The following MIA2 variants were observed in gnomAD, a reference collection of about 807,000 sequenced individuals.
MIA2 encodes the protein MIA SH3 domain ER export factor 2.
In MIA2, 127 loss-of-function variants were observed where a neutral mutation model predicts 167.8. That is an observed-to-expected ratio of 0.76 (90% CI 0.66 to 0.88). The LOEUF is 0.88. Among genes scored for constraint, MIA2 ranks in the 40% least tolerant of loss-of-function variants. The pLI is 0.00. For synonymous variants in MIA2, 552 were observed against 541.9 expected, an observed-to-expected ratio of 1.02 and a Z score of -0.26; for missense variants, 1,690 against 1,624.7, an observed-to-expected ratio of 1.04 and a Z score of -0.69.
chr14:39,245,151 A>G (rs2054240234), intron 3 of MIA2, among the ~76,000 whole-genome samples: 2 of 142,876 alleles, frequency 1.4e-5, no homozygotes. Context: ...ATCATGGCTC[A>G]CTGCAGCTTG....
At chr14:39,282,043 G>C (rs942861568) in intron 9 of MIA2, among the ~76,000 whole-genome samples, 4 of 151,934 alleles carry the variant, frequency 2.6e-5, no homozygotes, top group African/African-American at 9.7e-5. Context: ...TCTATTTCTG[G>C]TGCTCATTTT....
rs748571981 is a variant in MIA2 at position 39,346,011 on chromosome 14, T to G, written c.3763T>G (p.Ser1255Ala). The change falls in exon 26 of 29, where the codon TCT becomes GCT. Residue 1255 changes from serine (S) to alanine (A), a missense_variant. Ser to Ala is a moderately conservative substitution (Grantham distance 99). Transcript: ENST00000640607. ...AGAACTCAGAAGTTTTAATATGCCT[T>G]CTTTGGATAAAATGGGTAAGAAGTA... is the stretch of plus-strand genomic sequence containing the variant. ...PAELRSFNMP[S>A]LDKMDGSMPS... 32 of 1,612,486 alleles carry G rather than the reference T, an allele frequency of 2.0e-5. No homozygotes were observed. Among genetic ancestry groups the G allele is most frequent in the Non-Finnish European group, 2.5e-5 (30 of 1,178,946 alleles).
downstream of MIA2, among the ~76,000 whole-genome samples, chr14:39,352,908 C>G (rs2074427507): frequency 6.6e-6 from 1 of 151,962 alleles, no homozygotes; most frequent in African/African-American, 2.4e-5. Flanking sequence ...AGTGATTTTT[C>G]AAGTATTAAG....
At chr14:39,276,037 G>A (rs1303444533) in intron 6 of MIA2, among the ~76,000 whole-genome samples, 1 of 152,200 alleles carries the variant, frequency 6.6e-6, no homozygotes, top group African/African-American at 2.4e-5. Flanking sequence ...GTTAAAGCCT[G>A]AAAAGAATCA....
Position 39,288,452 on chromosome 14 carries a change from TATATATA to T in MIA2, c.2131-2566_2131-2560del, listed in dbSNP as rs2060154285. Among the ~76,000 whole-genome samples, 37 of 15,140 alleles carry T rather than the reference TATATATA, an allele frequency of 2.4e-3. 3 individuals carry two copies. The highest frequency in any genetic ancestry group is 0.011 in the South Asian group (4 of 366). 9.9% of individuals were successfully genotyped at this position (15,140 alleles called of 152,430 possible). ...TTATACATATATATATATATATATA[TATATATA>T]TATATATATATATATATTTTTTTTT... On this transcript the variant is annotated intron_variant, in intron 9 of 28. Transcript: ENST00000640607.
chr14:39,298,441 A>ATG lies in MIA2; in HGVS notation c.2497-1422_2497-1421insGT, dbSNP rs1566802991. Reference sequence around the variant, plus strand: ...TATATATATATATATATATATATATATAAAGATTAGTTTTTCATGTGTTCG... The same window carrying ATG: ...TATATATATATATATATATATATATATGTAAAGATTAGTTTTTCATGTGTTCG... On this transcript the variant is annotated intron_variant, in intron 13 of 28. Coordinates refer to ENST00000640607, the MANE Select transcript of MIA2 (RefSeq NM_001329214.4). 3.8e-3 allele frequency among the ~76,000 whole-genome samples: 33 copies of ATG among 8,798 alleles called. 3 individuals carry two copies. The highest frequency in any genetic ancestry group is 0.021 in the East Asian group (3 of 144). 5.8% of individuals were successfully genotyped at this position (8,798 alleles called of 152,430 possible). A position where few individuals can be genotyped will look rare whatever the true frequency, so the allele number is the denominator to read the frequency against.
chr14:39,312,037 C>T (rs569230524), intron 18 of MIA2, among the ~76,000 whole-genome samples: 135 of 151,940 alleles, frequency 8.9e-4, no homozygotes, highest in African/African-American at 2.8e-3. Context: ...ACCATGTTAG[C>T]CAGGCTGGTC....
At chr14:39,282,708 C>T (rs762436847) in intron 9 of MIA2, among the ~76,000 whole-genome samples, 9 of 152,084 alleles carry the variant, frequency 5.9e-5, no homozygotes, top group East Asian at 1.9e-4. Context: ...TGAGTAACTG[C>T]GGCTACAGGC....
At chr14:39,308,417 T>C (rs1021763593) in intron 17 of MIA2, 32 bp from the exon 18 acceptor site, 1 of 1,334,684 alleles carries the variant, frequency 7.5e-7, no homozygotes. Flanking sequence ...AAAATGTTTC[T>C]CCTTTAATTA....
At chr14:39,366,391 C>T (rs1044147029) in intron 23 of MIA2, among the ~76,000 whole-genome samples, 6 of 152,148 alleles carry the variant, frequency 3.9e-5, no homozygotes, top group African/African-American at 1.4e-4. Context: ...GTGTGTGTAT[C>T]ATGAGCAATG....
At position 39,313,301 on chromosome 14, in the gene MIA2, A is replaced by T. The variant is rs549156748; in HGVS notation, c.3018-39A>T. On this transcript the variant is annotated intron_variant, in intron 18 of 28. Coordinates refer to ENST00000640607, the MANE Select transcript of MIA2 (RefSeq NM_001329214.4). The stretch of plus-strand genomic sequence containing the variant: ...AAAATATAGAATTGATTATCTTTTG[A>T]CATGTATTAAGAGAATTATAACATT... The T allele has an allele frequency of 2.5e-5, 26 of 1,035,980 alleles. No homozygotes were observed. In the African/African-American group the frequency reaches 3.7e-4, roughly 15 times the overall value. The allele number at this position is 1,035,980 out of a possible 1,614,324, so 64.2% of individuals were successfully genotyped here. A position where few individuals can be genotyped will look rare whatever the true frequency, so the allele number is the denominator to read the frequency against.
At chr14:39,353,785 A>G (rs1031297235), downstream of MIA2, among the ~76,000 whole-genome samples, 34 of 152,190 alleles carry the variant, frequency 2.2e-4, no homozygotes, top group Non-Finnish European at 2.8e-4. Flanking sequence ...TCATTGTTCA[A>G]TTCCCACCTA....
chr14:39,253,115 GAT>G lies in MIA2; in HGVS notation c.1832_1833del (p.Asp611GlyfsTer3). The G allele has an allele frequency of 1.9e-6, 3 of 1,605,272 alleles. No homozygotes were observed. Among genetic ancestry groups the G allele is most frequent in the Non-Finnish European group, 2.6e-6 (3 of 1,175,872 alleles). ...FQILKYLFQIDVYDFMNSAFS... is the reference protein window; with the variant it reads ...FQILKYLFQIXVYDFMNSAFS... ...GATTCTGAAATACTTATTCCAAATT[GAT>G]GTTTATGATTTCATGAATTCTGCAT... On this transcript the variant is annotated frameshift_variant, in exon 6 of 29. Transcript: ENST00000640607. LOFTEE classifies it high-confidence loss of function.
Position 39,237,033 on chromosome 14 carries a change from G to A in MIA2, c.227G>A (p.Arg76Lys), listed in dbSNP as rs773063861. ...ISVYVKLAGE[R>K]EDLWAGSKGK... ...GTTTATGTTAAACTTGCAGGAGAAA[G>A]GGAAGATTTGTGGGCAGGAAGTGTA... The change falls in exon 2 of 29, where the codon AGG becomes AAG. Residue 76 changes from arginine to lysine, a missense_variant. Physicochemically the swap from Arg to Lys is conservative, Grantham distance 26. Coordinates refer to ENST00000640607, the MANE Select transcript of MIA2 (RefSeq NM_001329214.4). 9 of 1,613,878 alleles carry A rather than the reference G, an allele frequency of 5.6e-6. No homozygotes were observed. The East Asian group carries it at 8.9e-5, about 16-fold the overall frequency.
At chr14:39,374,437 G>A (rs562333177) in intron 23 of MIA2, among the ~76,000 whole-genome samples, 4 of 152,272 alleles carry the variant, frequency 2.6e-5, no homozygotes, top group Admixed American at 2.0e-4. Flanking sequence ...CATGGTAAAT[G>A]TTCAATGAGT....
At chr14:39,369,583 C>T (rs1478168747) in intron 23 of MIA2, among the ~76,000 whole-genome samples, 5 of 152,200 alleles carry the variant, frequency 3.3e-5, no homozygotes, top group South Asian at 4.1e-4. Flanking sequence ...ATCCTCTCTG[C>T]TCCTCCTCTC....
intron 1 of MIA2, among the ~76,000 whole-genome samples, chr14:39,234,708 T>C (rs1044083405): frequency 3.9e-5 from 6 of 152,278 alleles, no homozygotes; most frequent in Admixed American, 2.6e-4. Flanking sequence ...TTTCAAACCA[T>C]CATGATTTAT....
chr14:39,255,202 A>G (rs1292936915), intron 6 of MIA2, among the ~76,000 whole-genome samples: 1 of 152,166 alleles, frequency 6.6e-6, no homozygotes. Flanking sequence ...GTTGATTATA[A>G]AACGTTCATT....
chr14:39,299,305 C>CTTTTTTTTTTTTTTT (rs34424266), intron 13 of MIA2, among the ~76,000 whole-genome samples: 2 of 95,090 alleles, frequency 2.1e-5, no homozygotes, highest in Non-Finnish European at 3.8e-5. Context: ...AATGGTATTT[C>CTTTTTTTTTTTTTTT]TTTTTTTTTT....
Sources: allele counts gnomAD v4.1 joint callset (sites outside exome capture counted in the v4.1 genomes callset), GRCh38; gene constraint gnomAD v4.1.1; transcripts MANE v1.5; gene names NCBI Gene and HGNC (gene_info 2026-07-23, HGNC 2026-07-21).